The following CNTNAP2 variants were observed in gnomAD, a reference collection of about 807,000 sequenced individuals.
The protein encoded by CNTNAP2 is contactin-associated protein-like 2.
A neutral mutation model predicts 155.2 loss-of-function variants in CNTNAP2; 98 were observed. That is an observed-to-expected ratio of 0.63 (90% CI 0.54 to 0.75). CNTNAP2 has a LOEUF of 0.75. CNTNAP2 is among the 30% of genes least tolerant of loss of function. CNTNAP2 has a pLI of 0.00. For missense variants in CNTNAP2, 1,727 were observed against 1,688.1 expected, an observed-to-expected ratio of 1.02 and a Z score of -0.40; for synonymous variants, 651 against 631.2, an observed-to-expected ratio of 1.03 and a Z score of -0.47.
chr7:146,479,579 G>T (rs1323447983), intron 1 of CNTNAP2, among the ~76,000 whole-genome samples: 1 of 151,858 alleles, frequency 6.6e-6, no homozygotes, highest in Non-Finnish European at 1.5e-5. Context: ...TCTATTCTCA[G>T]TGTCTAAACA....
intron 2 of CNTNAP2, among the ~76,000 whole-genome samples, chr7:146,815,565 A>G (rs114973475): frequency 0.027 from 4,071 of 152,224 alleles, 176 homozygotes; most frequent in African/African-American, 0.093. Flanking sequence ...CACATACACA[A>G]ACATATATTC....
At chr7:146,826,721 G>A (rs1803407557) in intron 2 of CNTNAP2, among the ~76,000 whole-genome samples, 2 of 152,006 alleles carry the variant, frequency 1.3e-5, no homozygotes, top group Admixed American at 1.3e-4. Flanking sequence ...CACTCTGAGT[G>A]CTAGAGTTTT....
At chr7:147,951,427 CG>C (rs1800928423) in intron 14 of CNTNAP2, among the ~76,000 whole-genome samples, 1 of 152,088 alleles carries the variant, frequency 6.6e-6, no homozygotes, top group Non-Finnish European at 1.5e-5. Flanking sequence ...TCCAAACCTC[CG>C]TATAATCAAG....
At chr7:147,982,156 C>T (rs1052796564) in intron 15 of CNTNAP2, among the ~76,000 whole-genome samples, 11 of 152,032 alleles carry the variant, frequency 7.2e-5, no homozygotes, top group African/African-American at 1.4e-4. Context: ...CTATATATGA[C>T]GAATATAATT....
chr7:146,539,392 C>CA (rs1429133544), intron 1 of CNTNAP2, among the ~76,000 whole-genome samples: 6 of 151,866 alleles, frequency 4.0e-5, no homozygotes, highest in Non-Finnish European at 7.4e-5. Flanking sequence ...AACTACAGGA[C>CA]AAAAAACCAA....
intron 1 of CNTNAP2, among the ~76,000 whole-genome samples, chr7:146,399,016 GA>G (rs1795674980): frequency 6.9e-6 from 1 of 145,174 alleles, no homozygotes; most frequent in Non-Finnish European, 1.5e-5. Context: ...TTTGTTTGCT[GA>G]GTTATTTTTT....
intron 13 of CNTNAP2, among the ~76,000 whole-genome samples, chr7:147,812,338 T>C (rs781279139): frequency 6.6e-6 from 1 of 152,188 alleles, no homozygotes; most frequent in African/African-American, 2.4e-5. Context: ...TTTGCAAAAA[T>C]ATGTACTATT....
rs1554414693 is a variant in CNTNAP2, at chr7:148,301,364, T to TTA, written c.3475+34238_3475+34239insTA. Among the ~76,000 whole-genome samples, 378 of 135,736 alleles carry TTA rather than the reference T, an allele frequency of 2.8e-3. 2 individuals carry two copies. The highest frequency in any genetic ancestry group is 9.8e-3 in the African/African-American group (358 of 36,384). 89.0% of individuals were successfully genotyped at this position (135,736 alleles called of 152,430 possible). A position where few individuals can be genotyped will look rare whatever the true frequency, so the allele number is the denominator to read the frequency against. On this transcript the variant is annotated intron_variant, in intron 21 of 23. Coordinates refer to ENST00000361727, the MANE Select transcript of CNTNAP2 (RefSeq NM_014141.6). The stretch of plus-strand genomic sequence containing the variant: ...TTTATGTTAGGTACATTTTACTGCA[T>TTA]AAAAAAAAAAAAGACTATGGGCAAG...
At chr7:148,061,926 TAG>T (rs1563185322) in intron 15 of CNTNAP2, among the ~76,000 whole-genome samples, 8,483 of 110,172 alleles carry the variant, frequency 0.077, 535 homozygotes, top group East Asian at 0.16. Context: ...CAGATATAGA[TAG>T]ATAGATAGAT....
At chr7:147,086,296 CAAAG>C (rs766463963) in intron 4 of CNTNAP2, among the ~76,000 whole-genome samples, 104 of 151,904 alleles carry the variant, frequency 6.8e-4, no homozygotes, top group African/African-American at 2.3e-3. Flanking sequence ...AAATATGAAA[CAAAG>C]AAGAAAATAG....
chr7:146,831,626 G>C (rs1374102875), intron 2 of CNTNAP2, among the ~76,000 whole-genome samples: 1 of 137,508 alleles, frequency 7.3e-6, no homozygotes, highest in African/African-American at 2.9e-5. Context: ...CAGTGAGCCA[G>C]GATCTCGCCA....
chr7:148,101,874 T>C lies in CNTNAP2; in HGVS notation c.2384-16244T>C, dbSNP rs1001763586. The stretch of plus-strand genomic sequence containing the variant: ...TTTTTGTTATCATTTAAATTCACTT[T>C]TAAAAATATTAAGATTCTCAAACAG... On this transcript the variant is annotated intron_variant, in intron 15 of 23. Coordinates refer to ENST00000361727, the MANE Select transcript of CNTNAP2 (RefSeq NM_014141.6). 5.3e-5 allele frequency among the ~76,000 whole-genome samples: 8 copies of C among 152,292 alleles called. No individual in the cohort carries two copies. In the East Asian group the frequency reaches 1.5e-3, roughly 29 times the overall value.
intron 4 of CNTNAP2, 70 bp downstream of exon 4, chr7:147,044,124 A>C: frequency 6.4e-7 from 1 of 1,567,190 alleles, no homozygotes; most frequent in Non-Finnish European, 8.8e-7. Context: ...TTTTATTTTA[A>C]ATTATTTAAC....
At chr7:147,224,994 C>T (rs1444575986) in intron 8 of CNTNAP2, among the ~76,000 whole-genome samples, 3 of 152,164 alleles carry the variant, frequency 2.0e-5, no homozygotes, top group Non-Finnish European at 4.4e-5. Flanking sequence ...GCAAATCTCC[C>T]TTCCTTGTCC....
intron 1 of CNTNAP2, among the ~76,000 whole-genome samples, chr7:146,605,252 C>T (rs1382512266): frequency 4.6e-5 from 7 of 150,994 alleles, no homozygotes; most frequent in African/African-American, 1.7e-4. Context: ...CTAGGGCTGG[C>T]CATTTTGTGT....
rs192248062 is a variant in CNTNAP2, at chr7:147,749,570, A to T, written c.2098+110264A>T. Among the ~76,000 whole-genome samples the T allele has an allele frequency of 1.8e-3, 267 of 152,304 alleles. 1 individual carries two copies. The highest frequency in any genetic ancestry group is 6.0e-3 in the African/African-American group (251 of 41,574). ...ACCAGCAATATGTGGAACGATCCTT[A>T]CTGTTTCCCAAAAATGATGATTTTT... On this transcript the variant is annotated intron_variant, in intron 13 of 23. Transcript: ENST00000361727.
At chr7:146,721,103 CTATA>C (rs1801292095) in intron 1 of CNTNAP2, among the ~76,000 whole-genome samples, 1 of 129,784 alleles carries the variant, frequency 7.7e-6, no homozygotes, top group East Asian at 2.3e-4. Flanking sequence ...TATATATTCT[CTATA>C]TATATTCTCT....
chr7:147,953,827 G>A (rs935011628), intron 14 of CNTNAP2, among the ~76,000 whole-genome samples: 1 of 152,098 alleles, frequency 6.6e-6, no homozygotes, highest in South Asian at 2.1e-4. Context: ...CTCTTGTCAC[G>A]TGGCATTCTC....
intron 15 of CNTNAP2, among the ~76,000 whole-genome samples, chr7:148,077,340 T>C (rs747831191): frequency 2.0e-5 from 3 of 151,978 alleles, no homozygotes; most frequent in Non-Finnish European, 4.4e-5. Flanking sequence ...ATACTAACAA[T>C]ATGAAAGTTC....
Sources: gnomAD v4.1 joint callset for allele counts (sites outside exome capture counted in the v4.1 genomes callset) on GRCh38, gnomAD v4.1.1 for gene constraint, MANE v1.5 for transcripts, NCBI Gene and HGNC (gene_info 2026-07-23, HGNC 2026-07-21) for gene names.